Variants in FAM114A1 observed in about 807,000 individuals in gnomAD.
The protein encoded by FAM114A1 is family with sequence similarity 114 member A1, also known as protein NOXP20.
In FAM114A1, 62 loss-of-function variants were observed where a neutral mutation model predicts 64.3. That is an observed-to-expected ratio of 0.96 (90% confidence interval 0.79 to 1.19). The LOEUF is 1.19. FAM114A1 is among the 50% of genes most tolerant of loss of function. FAM114A1 has a pLI of 0.00. For synonymous variants in FAM114A1, 254 were observed against 251.1 expected (o/e 1.01, Z -0.11); for missense variants, 645 against 676.3 (o/e 0.95, Z 0.51).
intron 5 of FAM114A1, 44 bp downstream of exon 5, chr4:38,905,679 C>G (rs751249984): frequency 2.5e-6 from 4 of 1,607,142 alleles, no homozygotes; most frequent in Non-Finnish European, 2.6e-6. Flanking sequence ...CTTTATTACA[C>G]CATGTGCATA....
At chr4:38,932,184 A>G in intron 11 of FAM114A1, 51 bp from the exon 12 acceptor site, 11 of 1,547,112 alleles carry the variant, frequency 7.1e-6, no homozygotes, top group East Asian at 2.3e-5. Flanking sequence ...CATTTTTTTA[A>G]AAAAGCATCT....
chr4:38,877,652 A>T (rs1335889141), intron 2 of FAM114A1, among the ~76,000 whole-genome samples: 2 of 149,412 alleles, frequency 1.3e-5, no homozygotes, highest in African/African-American at 2.5e-5. Flanking sequence ...ACAAGGTTAC[A>T]TAGAGTATTG....
chr4:38,877,794 G>A (rs1325659872), intron 2 of FAM114A1, among the ~76,000 whole-genome samples: 2 of 152,062 alleles, frequency 1.3e-5, no homozygotes, highest in African/African-American at 2.4e-5. Flanking sequence ...GAAAAACCCC[G>A]TTTCTACTAA....
intron 3 of FAM114A1, 60 bp downstream of exon 3, chr4:38,878,486 A>G: frequency 6.8e-7 from 1 of 1,465,010 alleles, no homozygotes; most frequent in Non-Finnish European, 9.2e-7. Context: ...TACCGTGTGC[A>G]GAGCTAGCAC....
Position 38,899,297 on chromosome 4 carries a change from T to C in FAM114A1, c.437-6225T>C, listed in dbSNP as rs1717277782. 2.0e-5 allele frequency among the ~76,000 whole-genome samples: 3 copies of C among 152,060 alleles called. No homozygotes were observed. In the South Asian group the frequency reaches 6.2e-4, roughly 32 times the overall value. On this transcript the variant is annotated intron_variant, in intron 4 of 14. Coordinates refer to ENST00000358869, the MANE Select transcript of FAM114A1 (RefSeq NM_138389.4). ...AACCTATCCCATTGGGAGCTTGGGGTTTGGGATGACTCTTAGGAGATGTCT... is the reference window on the plus strand; with the variant it reads ...AACCTATCCCATTGGGAGCTTGGGGCTTGGGATGACTCTTAGGAGATGTCT...
intron 3 of FAM114A1, among the ~76,000 whole-genome samples, chr4:38,883,215 T>C (rs1715470107): frequency 6.6e-6 from 1 of 152,088 alleles, no homozygotes; most frequent in Admixed American, 6.5e-5. Flanking sequence ...GGGGAAACAT[T>C]GTTGTATGAG....
intron 7 of FAM114A1, among the ~76,000 whole-genome samples, chr4:38,910,226 A>C (rs892639722): frequency 6.6e-6 from 1 of 151,986 alleles, no homozygotes; most frequent in Non-Finnish European, 1.5e-5. Flanking sequence ...GCAATAAAGC[A>C]GGACTGCATC....
intron 13 of FAM114A1, among the ~76,000 whole-genome samples, chr4:38,939,263 A>T (rs1454057859): frequency 6.6e-6 from 1 of 152,214 alleles, no homozygotes; most frequent in African/African-American, 2.4e-5. Flanking sequence ...GAAAAACCTG[A>T]ATCTAAAATA....
intron 2 of FAM114A1, among the ~76,000 whole-genome samples, chr4:38,869,182 C>T (rs1175505973): frequency 6.6e-6 from 1 of 152,136 alleles, no homozygotes; most frequent in Non-Finnish European, 1.5e-5. Flanking sequence ...GACAGAATGG[C>T]AGAAGTAAAT....
intron 4 of FAM114A1, among the ~76,000 whole-genome samples, chr4:38,901,321 TGTC>T (rs59579024): frequency 0.48 from 71,971 of 151,494 alleles, 17,210 homozygotes; most frequent in Middle Eastern, 0.63. Context: ...AGTCTGGCTC[TGTC>T]GTCACCCAGG....
chr4:38,885,304 C>T (rs985924542), intron 3 of FAM114A1, among the ~76,000 whole-genome samples: 10 of 151,548 alleles, frequency 6.6e-5, no homozygotes, highest in African/African-American at 2.4e-4. Flanking sequence ...TAGTCTCTCT[C>T]TCTCTCTGTT....
At chr4:38,923,299 C>T (rs1719796786) in intron 9 of FAM114A1, among the ~76,000 whole-genome samples, 1 of 149,194 alleles carries the variant, frequency 6.7e-6, no homozygotes. Context: ...TATCGGCTCA[C>T]TGCAACCTCC....
intron 8 of FAM114A1, among the ~76,000 whole-genome samples, chr4:38,918,640 T>A (rs1269485905): frequency 6.6e-6 from 1 of 152,194 alleles, no homozygotes; most frequent in Non-Finnish European, 1.5e-5. Context: ...CTGGCAACCC[T>A]ACACATACCA....
chr4:38,897,161 T>C (rs1306790490), intron 4 of FAM114A1, among the ~76,000 whole-genome samples: 1 of 152,220 alleles, frequency 6.6e-6, no homozygotes, highest in Non-Finnish European at 1.5e-5. Flanking sequence ...TCCTGAATGC[T>C]GCTAACTTGT....
intron 4 of FAM114A1, among the ~76,000 whole-genome samples, chr4:38,895,556 G>A (rs1374089261): frequency 6.6e-6 from 1 of 152,154 alleles, no homozygotes; most frequent in Non-Finnish European, 1.5e-5. Context: ...ATCCCATCCT[G>A]TTTACACTCC....
rs151186076 is a variant in FAM114A1 at position 38,894,661 on chromosome 4, G to A, written c.436+2831G>A. On this transcript the variant is annotated intron_variant, in intron 4 of 14. Transcript: ENST00000358869. ...AATTCAATGGGCGAGCTGTCAGTCC[G>A]TGGATGGAAAAACTTGCCACTTTTC... 2.4e-3 allele frequency among the ~76,000 whole-genome samples: 359 copies of A among 152,244 alleles called. 1 individual carries two copies. The highest frequency in any genetic ancestry group is 8.0e-3 in the African/African-American group (334 of 41,546).
intron 3 of FAM114A1, among the ~76,000 whole-genome samples, chr4:38,885,351 C>T (rs918544698): frequency 7.2e-5 from 11 of 152,226 alleles, no homozygotes; most frequent in Non-Finnish European, 1.5e-4. Context: ...TCATAGCTCA[C>T]TGCAGTCTTG....
intron 9 of FAM114A1, chr4:38,928,987 T>G: frequency 4.3e-6 from 2 of 466,476 alleles, no homozygotes; most frequent in Non-Finnish European, 7.9e-6. Flanking sequence ...TCTTGTTGCC[T>G]TTGGGTTGTC....
At chr4:38,876,159 ATTCTTTT>A (rs541024781) in intron 2 of FAM114A1, among the ~76,000 whole-genome samples, 8,035 of 124,512 alleles carry the variant, frequency 0.065, 608 homozygotes, top group African/African-American at 0.18. Flanking sequence ...TTCTAGACTT[ATTCTTTT>A]TTCTTTTTTT....
Sources: gnomAD v4.1 joint callset for allele counts (sites outside exome capture counted in the v4.1 genomes callset) on GRCh38, gnomAD v4.1.1 for gene constraint, MANE v1.5 for transcripts, NCBI Gene and HGNC (gene_info 2026-07-23, HGNC 2026-07-21) for gene names.